Variants in AGAP1 observed in about 807,000 individuals in gnomAD.
The protein encoded by AGAP1 is ArfGAP with GTPase domain, ankyrin repeat and PH domain 1, also known as arf-GAP with GTPase, ANK repeat and PH domain-containing protein 1.
Under a neutral mutation model 105.3 loss-of-function variants are expected in AGAP1, and 29 were observed. That is an observed-to-expected ratio of 0.28 (90% CI 0.21 to 0.38). The LOEUF (loss-of-function observed/expected upper bound fraction) is 0.38, where lower values mean the gene tolerates loss of function less well. Ranked by LOEUF, AGAP1 falls within the 10% of genes least tolerant of loss-of-function variation. AGAP1 has a pLI of 1.00. For synonymous variants in AGAP1, 509 were observed against 485.9 expected (o/e 1.05, Z -0.63); for missense variants, 998 against 1,165.1 (o/e 0.86, Z 2.09).
At chr2:235,602,051 C>T (rs899275721) in intron 1 of AGAP1, among the ~76,000 whole-genome samples, 2 of 152,224 alleles carry the variant, frequency 1.3e-5, no homozygotes, top group African/African-American at 4.8e-5. Flanking sequence ...ACACCGATGT[C>T]CTTACTATGA....
chr2:235,948,242 G>T (rs1387034329), intron 12 of AGAP1, among the ~76,000 whole-genome samples: 3 of 152,194 alleles, frequency 2.0e-5, no homozygotes, highest in Non-Finnish European at 4.4e-5. Context: ...GAGTGCAGTG[G>T]CACGATCTCA....
intron 7 of AGAP1, 117 bp downstream of exon 7, chr2:235,798,003 A>G (rs916744406): frequency 2.3e-6 from 3 of 1,281,540 alleles, no homozygotes; most frequent in African/African-American, 1.5e-5. Flanking sequence ...AAGTAACAGC[A>G]TGTTGTAATT....
intron 6 of AGAP1, among the ~76,000 whole-genome samples, chr2:235,758,158 A>G (rs73996350): frequency 0.015 from 2,256 of 150,324 alleles, 54 homozygotes; most frequent in African/African-American, 0.054. Flanking sequence ...GTGTGTGTGT[A>G]TATGTGTGTT....
At chr2:235,627,450 C>G (rs1284764582) in intron 1 of AGAP1, among the ~76,000 whole-genome samples, 1 of 152,128 alleles carries the variant, frequency 6.6e-6, no homozygotes, top group Non-Finnish European at 1.5e-5. Context: ...GTCTCGAACT[C>G]CTGATCTCAA....
chr2:235,585,528 C>T (rs1044794476), intron 1 of AGAP1, among the ~76,000 whole-genome samples: 3 of 152,172 alleles, frequency 2.0e-5, no homozygotes, highest in Admixed American at 6.5e-5. Flanking sequence ...AGTCTGTGGG[C>T]ATCTCTGGGG....
intron 9 of AGAP1, among the ~76,000 whole-genome samples, chr2:235,811,672 C>G (rs1026089262): frequency 6.6e-6 from 1 of 152,214 alleles, no homozygotes; most frequent in Non-Finnish European, 1.5e-5. Context: ...GGGGCATGCT[C>G]TGTACCTCAG....
chr2:235,632,350 C>CA (rs1473900936), intron 1 of AGAP1, among the ~76,000 whole-genome samples: 1 of 152,182 alleles, frequency 6.6e-6, no homozygotes, highest in Non-Finnish European at 1.5e-5. Flanking sequence ...CGGGGTGCCT[C>CA]AGAGTAGTGA....
At chr2:235,878,191 A>G (rs1444324225) in intron 9 of AGAP1, among the ~76,000 whole-genome samples, 3 of 152,216 alleles carry the variant, frequency 2.0e-5, no homozygotes, top group Non-Finnish European at 4.4e-5. Flanking sequence ...ATCCAACCCC[A>G]GTGACTCTTG....
chr2:235,849,857 C>A (rs1961974088), intron 9 of AGAP1, among the ~76,000 whole-genome samples: 1 of 152,232 alleles, frequency 6.6e-6, no homozygotes, highest in Non-Finnish European at 1.5e-5. Flanking sequence ...CTCCTGTCCC[C>A]ATCTCACACA....
intron 16 of AGAP1, among the ~76,000 whole-genome samples, chr2:236,064,056 C>T (rs1057479359): frequency 6.6e-6 from 1 of 152,158 alleles, no homozygotes; most frequent in Non-Finnish European, 1.5e-5. Context: ...TCATGCTGAT[C>T]CTTGCCATCT....
chr2:236,007,497 C>T (rs1247050604), intron 13 of AGAP1, among the ~76,000 whole-genome samples: 7 of 152,114 alleles, frequency 4.6e-5, no homozygotes, highest in East Asian at 1.9e-4. Flanking sequence ...TACGGCCCTG[C>T]GTGAGAGCAC....
chr2:235,638,063 A>G (rs985607598), intron 1 of AGAP1, among the ~76,000 whole-genome samples: 1 of 152,168 alleles, frequency 6.6e-6, no homozygotes, highest in Non-Finnish European at 1.5e-5. Context: ...CCCACAAATA[A>G]TATCTTACCG....
Position 235,690,114 on chromosome 2 carries a change from G to A in AGAP1, c.164-19065G>A, listed in dbSNP as rs1029037711. On this transcript the variant is annotated intron_variant, in intron 1 of 17. Coordinates refer to ENST00000304032, the MANE Select transcript of AGAP1 (RefSeq NM_001037131.3). This position sits in a 1 kb window ranked among gnomAD's most constrained non-coding sequence, Gnocchi z 4.1. ...TATTGACACTCTCTTCTCCCCAGGT[G>A]CTGAGTCCCCAGGTTCCCCTCTCCC... Among the ~76,000 whole-genome samples the A allele has an allele frequency of 2.0e-5, 3 of 152,158 alleles. No homozygotes were observed. Among genetic ancestry groups the A allele is most frequent in the East Asian group, 1.9e-4 (1 of 5,162 alleles).
chr2:235,651,780 A>G (rs955344448), intron 1 of AGAP1, among the ~76,000 whole-genome samples: 3 of 152,236 alleles, frequency 2.0e-5, no homozygotes, highest in Admixed American at 1.3e-4. Flanking sequence ...TTGTGCTTCT[A>G]GGAATCTAAG....
chr2:235,797,447 C>A (rs369191497), intron 6 of AGAP1, among the ~76,000 whole-genome samples: 8 of 151,756 alleles, frequency 5.3e-5, no homozygotes, highest in African/African-American at 1.9e-4. Flanking sequence ...GAAAAACATA[C>A]GAGAATTTAG....
At chr2:235,746,377 C>CTTT (rs1172393048) in intron 5 of AGAP1, among the ~76,000 whole-genome samples, 2,383 of 55,504 alleles carry the variant, frequency 0.043, 408 homozygotes, top group Non-Finnish European at 0.05. Context: ...CCTCCCCCAA[C>CTTT]TTTTTTTTTT....
rs57939334 is a variant in AGAP1, at chr2:235,904,667, G to C, written c.1156-4071G>C. Among the ~76,000 whole-genome samples, 1 of 152,138 alleles carries C rather than the reference G, an allele frequency of 6.6e-6. No individual in the cohort carries two copies. The highest frequency in any genetic ancestry group is 1.5e-5 in the Non-Finnish European group (1 of 68,048). On this transcript the variant is annotated intron_variant, in intron 10 of 17. Transcript: ENST00000304032. This position sits in a 1 kb window ranked among gnomAD's most constrained non-coding sequence, Gnocchi z 4.2. The stretch of plus-strand genomic sequence containing the variant: ...TTACCGAGGTCCCTAACTCAGACCC[G>C]TGAAGGGTCTGCACAGCCCCTTGAC...
intron 9 of AGAP1, among the ~76,000 whole-genome samples, chr2:235,857,922 G>A (rs1259424605): frequency 2.6e-5 from 4 of 152,206 alleles, no homozygotes; most frequent in African/African-American, 7.2e-5. Context: ...CATGTTGGGA[G>A]TGTGAGGCTT....
Position 236,096,165 on chromosome 2 carries a change from C to T in AGAP1, c.2115-24027C>T, listed in dbSNP as rs1247780649. On this transcript the variant is annotated intron_variant, in intron 16 of 17. Coordinates refer to ENST00000304032, the MANE Select transcript of AGAP1 (RefSeq NM_001037131.3). The surrounding 1 kb of genome is among the most constrained non-coding windows in gnomAD (Gnocchi z 4.4). Reference sequence around the variant, plus strand: ...CTGTTTTTCATCCAGTAGGTAACTTCACTGGCTTCTTCACACAAATGTGGC... The same window carrying T: ...CTGTTTTTCATCCAGTAGGTAACTTTACTGGCTTCTTCACACAAATGTGGC... Among the ~76,000 whole-genome samples the T allele has an allele frequency of 6.6e-6, 1 of 152,200 alleles. No homozygotes were observed.
Sources: allele counts gnomAD v4.1 joint callset (sites outside exome capture counted in the v4.1 genomes callset), GRCh38; gene constraint gnomAD v4.1.1; non-coding constraint Gnocchi (gnomAD v3.1); transcripts MANE v1.5; gene names NCBI Gene and HGNC (gene_info 2026-07-23, HGNC 2026-07-21).